Variants in SEPTIN7 observed in about 807,000 individuals in gnomAD.
SEPTIN7 encodes the protein septin-7.
In SEPTIN7, 10 loss-of-function variants were observed where a neutral mutation model predicts 63.3. The observed-to-expected ratio is 0.16, with a 90% CI of 0.10 to 0.27. The LOEUF is 0.27. Ranked by LOEUF, SEPTIN7 falls within the 10% of genes least tolerant of loss-of-function variation. The probability of loss-of-function intolerance (pLI) is 1.00; values close to 1 mark genes in which losing one functional copy is unlikely to be tolerated. For missense variants in SEPTIN7, 310 were observed against 521.0 expected, an observed-to-expected ratio of 0.59 and a Z score of 3.94; for synonymous variants, 131 against 165.3, an observed-to-expected ratio of 0.79 and a Z score of 1.59.
At position 35,867,890 on chromosome 7, in the gene SEPTIN7, G is replaced by A. The variant is rs532322515; in HGVS notation, c.276+4232G>A. ...TGAAGTGTTTTTTTTTTTTCTTTCC[G>A]AGATGGAGTCTTGCTCTGTTGCCCA... is the stretch of plus-strand genomic sequence containing the variant. On this transcript the variant is annotated intron_variant, in intron 4 of 13. Coordinates refer to ENST00000350320, the MANE Select transcript of SEPTIN7 (RefSeq NM_001788.6). Among the ~76,000 whole-genome samples the A allele has an allele frequency of 1.6e-4, 24 of 148,600 alleles. No homozygotes were observed. In the South Asian group the frequency reaches 2.1e-3, roughly 13 times the overall value.
At chr7:35,886,846 A>G (rs1371044783) in intron 10 of SEPTIN7, among the ~76,000 whole-genome samples, 2 of 152,248 alleles carry the variant, frequency 1.3e-5, no homozygotes, top group Non-Finnish European at 2.9e-5. Flanking sequence ...GGGAAAATTT[A>G]AGACAGTCAA....
At chr7:35,870,103 T>C (rs1583593956) in intron 4 of SEPTIN7, among the ~76,000 whole-genome samples, 1 of 152,188 alleles carries the variant, frequency 6.6e-6, no homozygotes, top group Admixed American at 6.5e-5. Flanking sequence ...GGCACTAGTT[T>C]AGTTGTGTTT....
At chr7:35,891,441 A>G (rs1360577265) in intron 11 of SEPTIN7, among the ~76,000 whole-genome samples, 1 of 152,234 alleles carries the variant, frequency 6.6e-6, no homozygotes, top group Non-Finnish European at 1.5e-5. Flanking sequence ...TATTCCTTGC[A>G]GGCTATAAAC....
chr7:35,801,411 C>T, intron 1 of SEPTIN7, 141 bp downstream of exon 1: 2 of 1,033,250 alleles, frequency 1.9e-6, no homozygotes, highest in South Asian at 1.9e-5. Context: ...GGGGCCACTG[C>T]GGGCCCGGGG....
chr7:35,805,516 T>C (rs529325351), intron 1 of SEPTIN7, among the ~76,000 whole-genome samples: 105 of 152,368 alleles, frequency 6.9e-4, no homozygotes, highest in Non-Finnish European at 1.3e-3. Flanking sequence ...GACTGGCTCA[T>C]TGGTCCACAG....
intron 1 of SEPTIN7, among the ~76,000 whole-genome samples, chr7:35,825,225 G>T (rs1019589138): frequency 1.3e-5 from 2 of 152,108 alleles, no homozygotes; most frequent in African/African-American, 4.8e-5. Flanking sequence ...TATCTTTAGT[G>T]TTCTTCCTAA....
chr7:35,915,200 G>A, the SEPTIN7 span, among the ~76,000 whole-genome samples: 1 of 137,906 alleles, frequency 7.3e-6, no homozygotes, highest in Admixed American at 7.5e-5. Context: ...ATAAAGGGGT[G>A]GGTCTGGCTA....
intron 3 of SEPTIN7, among the ~76,000 whole-genome samples, chr7:35,838,323 TC>T (rs1414793727): frequency 0.19 from 336 of 1,732 alleles, 25 homozygotes; most frequent in Middle Eastern, 0.5. Context: ...CCTCCCTCCC[TC>T]CCTCCCTCCC....
chr7:35,863,220 G>A (rs1343206004), intron 3 of SEPTIN7, among the ~76,000 whole-genome samples: 1 of 144,512 alleles, frequency 6.9e-6, no homozygotes, highest in East Asian at 2.0e-4. Flanking sequence ...CTCAAGCAGC[G>A]ACATATAATC....
chr7:35,887,923 T>C (rs1037979513), intron 10 of SEPTIN7, among the ~76,000 whole-genome samples: 1 of 152,234 alleles, frequency 6.6e-6, no homozygotes, highest in Non-Finnish European at 1.5e-5. Flanking sequence ...CAGATGTCTG[T>C]AAATCCCAAA....
intron 1 of SEPTIN7, among the ~76,000 whole-genome samples, chr7:35,811,294 T>A (rs923593850): frequency 4.6e-5 from 7 of 152,030 alleles, no homozygotes; most frequent in South Asian, 2.1e-4. Context: ...CAAGGAAAAA[T>A]TTTCCAGAAA....
At chr7:35,881,939 A>T (rs182107455) in intron 7 of SEPTIN7, among the ~76,000 whole-genome samples, 119 of 152,050 alleles carry the variant, frequency 7.8e-4, no homozygotes, top group African/African-American at 2.7e-3. Context: ...GTCCTTCCCT[A>T]ATCTTACACC....
At chr7:35,865,258 T>G (rs1175790316) in intron 4 of SEPTIN7, among the ~76,000 whole-genome samples, 1 of 152,216 alleles carries the variant, frequency 6.6e-6, no homozygotes, top group Non-Finnish European at 1.5e-5. Flanking sequence ...CTACCCAAAT[T>G]AATGTACAGT....
intron 3 of SEPTIN7, among the ~76,000 whole-genome samples, chr7:35,862,890 C>T (rs954747003): frequency 4.0e-5 from 6 of 151,794 alleles, no homozygotes; most frequent in African/African-American, 1.2e-4. Context: ...TTAGACTAGA[C>T]ATGGAGAGTC....
At chr7:35,902,869 T>G (rs1327444486) in intron 12 of SEPTIN7, 18 of 593,306 alleles carry the variant, frequency 3.0e-5, no homozygotes, top group Non-Finnish European at 4.3e-5. Flanking sequence ...TTCCCAAGAT[T>G]ATTGTCTTGG....
chr7:35,912,108 G>A (rs187404759), downstream of SEPTIN7, among the ~76,000 whole-genome samples: 470 of 152,308 alleles, frequency 3.1e-3, 5 homozygotes, highest in African/African-American at 0.011. Flanking sequence ...AATCAAAGAA[G>A]GGGGACATAT....
intron 4 of SEPTIN7, among the ~76,000 whole-genome samples, chr7:35,869,350 T>C (rs1275288589): frequency 3.3e-5 from 5 of 152,274 alleles, no homozygotes; most frequent in African/African-American, 1.2e-4. Context: ...TTCATTTTCT[T>C]GTGGAACACG....
intron 3 of SEPTIN7, among the ~76,000 whole-genome samples, chr7:35,855,211 T>C (rs1337931523): frequency 6.6e-6 from 1 of 152,194 alleles, no homozygotes; most frequent in Non-Finnish European, 1.5e-5. Flanking sequence ...GAATATACTG[T>C]GTGTGTATAT....
At chr7:35,868,121 C>T (rs1197856696) in intron 4 of SEPTIN7, among the ~76,000 whole-genome samples, 1 of 152,158 alleles carries the variant, frequency 6.6e-6, no homozygotes, top group African/African-American at 2.4e-5. Flanking sequence ...CCTTCCACCT[C>T]AGCCTCCGAA....
Sources: gnomAD v4.1 joint callset for allele counts (sites outside exome capture counted in the v4.1 genomes callset) on GRCh38, gnomAD v4.1.1 for gene constraint, MANE v1.5 for transcripts, NCBI Gene and HGNC (gene_info 2026-07-23, HGNC 2026-07-21) for gene names.